DST: variants seen among roughly 807,000 people sequenced by gnomAD.
DST encodes the protein bullous pemphigoid antigen.
DST carries 253 observed loss-of-function variants against 875.2 expected under a neutral mutation model. The observed-to-expected ratio is 0.29, with a 90% CI of 0.26 to 0.32. The LOEUF (loss-of-function observed/expected upper bound fraction) is 0.32, where lower values mean the gene tolerates loss of function less well. Ranked by LOEUF, DST falls within the 10% of genes least tolerant of loss-of-function variation. The pLI is 1.00. For missense variants in DST, 8,287 were observed against 9,111.6 expected, an observed-to-expected ratio of 0.91 and a Z score of 3.68; for synonymous variants, 3,124 against 3,197.1, an observed-to-expected ratio of 0.98 and a Z score of 0.77.
At chr6:56,585,928 G>A (rs2098137402) in intron 49 of DST, among the ~76,000 whole-genome samples, 1 of 152,114 alleles carries the variant, frequency 6.6e-6, no homozygotes, top group Non-Finnish European at 1.5e-5. Context: ...TTAATCCTGA[G>A]CTCTAGTTTG....
rs2098643654 is a variant in DST, at chr6:56,617,926, G to C, written c.4930-3442C>G. On this transcript the variant is annotated intron_variant, in intron 36 of 103. Transcript: ENST00000680361. ...TAAAAATTTAGTCTAGGAGAGAAAG[G>C]AAACAAATGAGGAAACTTGACATTA... 5.5e-6 allele frequency: 8 copies of C among 1,461,072 alleles called. No individual in the cohort carries two copies. The South Asian group carries it at 8.0e-5, about 15-fold the overall frequency. The allele number at this position is 1,461,072 out of a possible 1,614,324, so 90.5% of individuals were successfully genotyped here.
Position 56,606,856 on chromosome 6 carries a change from T to C in DST, c.7772A>G (p.Glu2591Gly), listed in dbSNP as rs1464206075. 1 of 1,613,220 alleles carries C rather than the reference T, an allele frequency of 6.2e-7. No homozygotes were observed. The highest frequency in any genetic ancestry group is 1.3e-5 in the African/African-American group (1 of 74,996). ...CTGCTGATCATTCAGCAGTGACGTT[T>C]CATAGTCACTAGCACTGATGGTTTC... ...LDETISASDY[E>G]TSLLNDQQNN... Residue 2591 changes from glutamate to glycine, a missense_variant, in exon 40 of 104, where the codon GAA becomes GGA. Transcript: ENST00000680361.
chr6:56,580,232 A>G lies in DST; in HGVS notation c.12904-1295T>C, dbSNP rs1056116914. On this transcript the variant is annotated intron_variant, in intron 49 of 103. Transcript: ENST00000680361. ...TAGTCACTGTGGCTAGTGGCTACCA[A>G]TTGAACAGAGCAAAATATAAGTAAA... Among the ~76,000 whole-genome samples, 4 of 152,164 alleles carry G rather than the reference A, an allele frequency of 2.6e-5. No individual in the cohort carries two copies. The South Asian group carries it at 6.2e-4, about 24-fold the overall frequency.
intron 13 of DST, among the ~76,000 whole-genome samples, chr6:56,647,574 G>A (rs182982624): frequency 1.2e-4 from 18 of 152,024 alleles, no homozygotes; most frequent in African/African-American, 3.6e-4. Context: ...GGCAATATTC[G>A]CATTATCAGC....
At chr6:56,548,165 A>G (rs529677830) in intron 61 of DST, among the ~76,000 whole-genome samples, 1 of 152,310 alleles carries the variant, frequency 6.6e-6, no homozygotes, top group Non-Finnish European at 1.5e-5. Flanking sequence ...AAATACACTA[A>G]CAGCAATGAC....
intron 3 of DST, among the ~76,000 whole-genome samples, chr6:56,856,325 C>T (rs1336394419): frequency 2.6e-5 from 4 of 152,186 alleles, no homozygotes. Context: ...AATAGGCATT[C>T]TCTACAGGCA....
At chr6:56,517,384 TA>T in intron 70 of DST, 79 bp from the exon 71 acceptor site, 3 of 1,585,416 alleles carry the variant, frequency 1.9e-6, no homozygotes, top group Non-Finnish European at 8.6e-7. Flanking sequence ...GCTAAGTAGT[TA>T]AAAATATCAC....
intron 10 of DST, among the ~76,000 whole-genome samples, chr6:56,658,072 C>CT (rs537264359): frequency 0.015 from 2,224 of 149,714 alleles, 32 homozygotes; most frequent in Middle Eastern, 0.049. Context: ...GGCCGTAATT[C>CT]TTTTTTTTTG....
intron 4 of DST, among the ~76,000 whole-genome samples, chr6:56,834,584 G>T (rs1301771827): frequency 6.6e-6 from 1 of 150,596 alleles, no homozygotes; most frequent in Non-Finnish European, 1.5e-5. Flanking sequence ...GTGACAGTGC[G>T]AGACTCCAAC....
rs2096611630 is a variant in DST, at chr6:56,517,192, T to C, written c.18357+6A>G. 1 of 1,605,858 alleles carries C rather than the reference T, an allele frequency of 6.2e-7. No homozygotes were observed. Among genetic ancestry groups the C allele is most frequent in the Non-Finnish European group, 8.5e-7 (1 of 1,172,916 alleles). ...TCCCACTACCAGTCCACAGACAAGA[T>C]TATACCTTCATTGATTGCTTTTCCT... On this transcript the variant is annotated splice_donor_region_variant and intron_variant, in intron 71 of 103. Coordinates refer to ENST00000680361, the MANE Select transcript of DST (RefSeq NM_001374736.1).
At position 56,632,896 on chromosome 6, in the gene DST, A is replaced by G; in HGVS notation, c.3763T>C (p.Cys1255Arg). Residue 1255 changes from cysteine (C) to arginine (R), a missense_variant, in exon 28 of 104, where the codon TGT becomes CGT. By Grantham distance (180) the Cys-to-Arg change is radical. This residue lies in a region of DST where 3,138 missense variants were observed against 3,116.6 expected (regional missense o/e 1.01). Coordinates refer to ENST00000680361, the MANE Select transcript of DST (RefSeq NM_001374736.1). ...ITQLEKEVNV[C>R]KQYYQELLKS... is the part of the protein sequence containing the mutation. Reference sequence around the variant, plus strand: ...AGAAGTTCTTGATAATACTGCTTACATACATTAACCTCCTTTTCCAGTTGT... The same window carrying G: ...AGAAGTTCTTGATAATACTGCTTACGTACATTAACCTCCTTTTCCAGTTGT... 3 of 1,614,008 alleles carry G rather than the reference A, an allele frequency of 1.9e-6. No individual in the cohort carries two copies. The highest frequency in any genetic ancestry group is 2.5e-6 in the Non-Finnish European group (3 of 1,179,972).
At chr6:56,623,698 CAATT>C (rs1191769168) in intron 36 of DST, among the ~76,000 whole-genome samples, 1 of 152,104 alleles carries the variant, frequency 6.6e-6, no homozygotes, top group Non-Finnish European at 1.5e-5. Flanking sequence ...TAATGGCCCA[CAATT>C]TATTTATTTC....
At chr6:56,837,947 G>C (rs1042893503) in intron 4 of DST, among the ~76,000 whole-genome samples, 1 of 129,090 alleles carries the variant, frequency 7.7e-6, no homozygotes, top group Non-Finnish European at 1.8e-5. Flanking sequence ...ATAAGAAGGG[G>C]TCTCATTTGA....
At position 56,608,968 on chromosome 6, in the gene DST, G is replaced by A. The variant is rs2098521416; in HGVS notation, c.5660C>T (p.Thr1887Ile). The change falls in exon 40 of 104, where the codon ACA becomes ATA. Residue 1887 changes from threonine to isoleucine, a missense_variant. Physicochemically the swap from Thr to Ile is moderately conservative, Grantham distance 89. Around this residue, in one of 10 missense-constraint regions of DST, gnomAD observed 3,138 missense variants for 3,116.6 expected, o/e 1.01. Coordinates refer to ENST00000680361, the MANE Select transcript of DST (RefSeq NM_001374736.1). ...CTTCTGTAGGGTCAACTGTTCTCCT[G>A]TGGCTGGAATAACCAGAGAGCCTGT... ...LSTGSLVIPA[T>I]GEQLTLQKAF... is the part of the protein sequence containing the mutation. 3.7e-6 allele frequency: 6 copies of A among 1,613,836 alleles called. No individual in the cohort carries two copies. Among genetic ancestry groups the A allele is most frequent in the Non-Finnish European group, 5.1e-6 (6 of 1,179,814 alleles).
chr6:56,884,379 C>T (rs1783644382), intron 3 of DST, among the ~76,000 whole-genome samples: 2 of 152,154 alleles, frequency 1.3e-5, no homozygotes, highest in African/African-American at 4.8e-5. Flanking sequence ...TTCACCTTAT[C>T]ATTTAACATA....
At chr6:56,888,195 G>A (rs1021833717) in intron 3 of DST, among the ~76,000 whole-genome samples, 11 of 152,068 alleles carry the variant, frequency 7.2e-5, no homozygotes, top group Admixed American at 1.3e-4. Flanking sequence ...TGATCCGCCC[G>A]CCTCAGCCTC....
intron 4 of DST, among the ~76,000 whole-genome samples, chr6:56,805,479 T>C (rs939364559): frequency 6.6e-6 from 1 of 151,912 alleles, no homozygotes; most frequent in African/African-American, 2.4e-5. Flanking sequence ...AGATTCACAT[T>C]AAAAACAAAC....
intron 2 of DST, among the ~76,000 whole-genome samples, chr6:56,934,560 T>TTATATA (rs60018139): frequency 0.013 from 1,400 of 106,442 alleles, 23 homozygotes; most frequent in South Asian, 0.018. Context: ...ATATATTATA[T>TTATATA]TATATATATA....
At chr6:56,639,824 T>A (rs750234799) in intron 19 of DST, 51 bp from the exon 20 acceptor site, 1 of 1,590,660 alleles carries the variant, frequency 6.3e-7, no homozygotes. Context: ...GAAGGAATTC[T>A]GACTCACACT....
Sources: allele counts gnomAD v4.1 joint callset (sites outside exome capture counted in the v4.1 genomes callset), GRCh38; gene constraint gnomAD v4.1.1; regional missense constraint gnomAD v4.1.1; transcripts MANE v1.5; gene names NCBI Gene and HGNC (gene_info 2026-07-23, HGNC 2026-07-21).